PTPRG: variants seen among roughly 807,000 people sequenced by gnomAD.
The protein encoded by PTPRG is protein tyrosine phosphatase receptor type G.
Under a neutral mutation model 165.3 loss-of-function variants are expected in PTPRG, and 102 were observed. The ratio of observed to expected loss-of-function variants is 0.62; its 90% CI spans 0.53 to 0.73. The LOEUF (loss-of-function observed/expected upper bound fraction) is 0.73. PTPRG is among the 30% of genes least tolerant of loss of function. The pLI is 0.00. For synonymous variants in PTPRG, 675 were observed against 669.5 expected (o/e 1.01, Z -0.13); for missense variants, 1,866 against 1,861.4 (o/e 1.00, Z -0.05).
At chr3:61,889,493 G>A (rs1412235963) in intron 2 of PTPRG, among the ~76,000 whole-genome samples, 1 of 152,200 alleles carries the variant, frequency 6.6e-6, no homozygotes, top group Non-Finnish European at 1.5e-5. Flanking sequence ...TAACATGATA[G>A]TGACATGTTT....
At chr3:61,699,243 A>T (rs1417363555) in intron 1 of PTPRG, among the ~76,000 whole-genome samples, 1 of 152,188 alleles carries the variant, frequency 6.6e-6, no homozygotes, top group African/African-American at 2.4e-5. Flanking sequence ...CGTAGGAAAA[A>T]AAAAATTATT....
At chr3:61,779,793 C>T (rs1288426796) in intron 2 of PTPRG, among the ~76,000 whole-genome samples, 1 of 152,138 alleles carries the variant, frequency 6.6e-6, no homozygotes, top group Non-Finnish European at 1.5e-5. Context: ...GCATGCTGAC[C>T]TGCTGTCCTC....
chr3:62,174,068 C>T (rs149504449), intron 8 of PTPRG, among the ~76,000 whole-genome samples: 12 of 152,280 alleles, frequency 7.9e-5, no homozygotes, highest in Middle Eastern at 3.4e-3. Flanking sequence ...TGCCCTTTGT[C>T]GGCAAATAAC....
chr3:62,100,304 G>C (rs908419797), intron 5 of PTPRG, among the ~76,000 whole-genome samples: 1 of 152,104 alleles, frequency 6.6e-6, no homozygotes. Context: ...GGGGTGACTT[G>C]TTCCTGTTCT....
intron 2 of PTPRG, among the ~76,000 whole-genome samples, chr3:61,854,843 G>C (rs1447325278): frequency 6.6e-6 from 1 of 152,126 alleles, no homozygotes; most frequent in Non-Finnish European, 1.5e-5. Context: ...GATAGAGAAG[G>C]TTCCGTTATA....
At chr3:62,287,076 G>A (rs1702691943) in intron 28 of PTPRG, among the ~76,000 whole-genome samples, 1 of 152,212 alleles carries the variant, frequency 6.6e-6, no homozygotes, top group East Asian at 1.9e-4. Flanking sequence ...CCATGGAAAG[G>A]TGAGAATAAT....
chr3:61,824,143 G>C (rs1204499352), intron 2 of PTPRG, among the ~76,000 whole-genome samples: 1 of 151,762 alleles, frequency 6.6e-6, no homozygotes, highest in African/African-American at 2.4e-5. Context: ...AAAAAAAGAT[G>C]ATGAAAAATG....
At chr3:61,708,704 G>A (rs1482268851) in intron 1 of PTPRG, among the ~76,000 whole-genome samples, 2 of 151,896 alleles carry the variant, frequency 1.3e-5, no homozygotes, top group Non-Finnish European at 2.9e-5. Flanking sequence ...TGATCCGCCC[G>A]CCTCGGCCTC....
At chr3:61,940,121 AT>A (rs1324244958) in intron 2 of PTPRG, among the ~76,000 whole-genome samples, 1 of 151,044 alleles carries the variant, frequency 6.6e-6, no homozygotes, top group Admixed American at 6.6e-5. Context: ...TGATTTTTGT[AT>A]TTTTAGTAGA....
rs965417778 is a variant in PTPRG at position 61,677,240 on chromosome 3, G to A, written c.86-71638G>A. Among the ~76,000 whole-genome samples, 47 of 115,540 alleles carry A rather than the reference G, an allele frequency of 4.1e-4. 1 individual carries two copies. The highest frequency in any genetic ancestry group is 7.0e-4 in the African/African-American group (17 of 24,190). 75.8% of individuals were successfully genotyped at this position (115,540 alleles called of 152,430 possible). On this transcript the variant is annotated intron_variant, in intron 1 of 29. Transcript: ENST00000474889. ...AGCGTGGGTGACAGAGCGAGACTCC[G>A]TCTCAAAAAAAAAAAAAAAAAAAAG...
At chr3:61,933,565 T>C (rs950057464) in intron 2 of PTPRG, among the ~76,000 whole-genome samples, 1 of 152,194 alleles carries the variant, frequency 6.6e-6, no homozygotes, top group Non-Finnish European at 1.5e-5. Context: ...TTTCCACTAA[T>C]TGATTAATTG....
At chr3:61,666,189 T>G (rs1462228782) in intron 1 of PTPRG, among the ~76,000 whole-genome samples, 1 of 152,228 alleles carries the variant, frequency 6.6e-6, no homozygotes, top group African/African-American at 2.4e-5. Context: ...GTTCCTCTTA[T>G]GCCGGCTGGT....
chr3:62,155,244 G>A (rs1023889005), intron 6 of PTPRG, among the ~76,000 whole-genome samples: 11 of 152,216 alleles, frequency 7.2e-5, no homozygotes, highest in African/African-American at 2.7e-4. Context: ...CTGAGAATCA[G>A]CCAAGGTTTC....
intron 1 of PTPRG, among the ~76,000 whole-genome samples, chr3:61,703,342 A>G (rs1486314606): frequency 2.6e-5 from 4 of 152,212 alleles, no homozygotes; most frequent in African/African-American, 9.7e-5. Flanking sequence ...TTTAGCCGAA[A>G]GGGTTGTAAA....
chr3:61,867,193 G>A (rs1332100290), intron 2 of PTPRG, among the ~76,000 whole-genome samples: 1 of 152,140 alleles, frequency 6.6e-6, no homozygotes, highest in South Asian at 2.1e-4. Flanking sequence ...TGGGTGCCTG[G>A]CATGGCATCA....
chr3:61,710,965 C>G (rs1343218602), intron 1 of PTPRG, among the ~76,000 whole-genome samples: 1 of 152,040 alleles, frequency 6.6e-6, no homozygotes, highest in African/African-American at 2.4e-5. Context: ...TGTTCCCCTC[C>G]CTGTGTCCAT....
chr3:61,876,904 A>G (rs187641847), intron 2 of PTPRG, among the ~76,000 whole-genome samples: 236 of 152,124 alleles, frequency 1.6e-3, no homozygotes, highest in African/African-American at 5.2e-3. Context: ...GTCATAATGT[A>G]TTTACTTAAC....
intron 2 of PTPRG, among the ~76,000 whole-genome samples, chr3:61,761,399 AAACT>A (rs775477329): frequency 6.6e-6 from 1 of 152,190 alleles, no homozygotes; most frequent in Non-Finnish European, 1.5e-5. Flanking sequence ...CAACATGGTG[AAACT>A]TCATCTCTAC....
intron 2 of PTPRG, among the ~76,000 whole-genome samples, chr3:61,821,326 C>T (rs1408668473): frequency 6.6e-6 from 1 of 152,056 alleles, no homozygotes; most frequent in Non-Finnish European, 1.5e-5. Flanking sequence ...CCTGCCACCT[C>T]GCCTGGCTAC....
Sources: allele counts gnomAD v4.1 joint callset (sites outside exome capture counted in the v4.1 genomes callset), GRCh38; gene constraint gnomAD v4.1.1; transcripts MANE v1.5; gene names NCBI Gene and HGNC (gene_info 2026-07-23, HGNC 2026-07-21).